The following SPATA6 variants were observed in gnomAD, a reference collection of about 807,000 sequenced individuals.
SPATA6 encodes spermatogenesis associated 6, also known as spermatogenesis-associated protein 6.
In SPATA6, 56 loss-of-function variants were observed where a neutral mutation model predicts 65.3. The ratio of observed to expected loss-of-function variants is 0.86; its 90% CI spans 0.69 to 1.07. SPATA6 has a LOEUF of 1.07. Among genes scored for constraint, SPATA6 ranks in the 50% least tolerant of loss-of-function variants. The probability of loss-of-function intolerance (pLI) is 0.00; values close to 1 mark genes in which losing one functional copy is unlikely to be tolerated. For synonymous variants in SPATA6, 199 were observed against 213.2 expected (o/e 0.93, Z 0.58); for missense variants, 590 against 594.8 (o/e 0.99, Z 0.08).
intron 9 of SPATA6, among the ~76,000 whole-genome samples, chr1:48,367,783 T>C (rs529272133): frequency 6.6e-6 from 1 of 152,312 alleles, no homozygotes; most frequent in Non-Finnish European, 1.5e-5. Context: ...ATTGGAGCAT[T>C]TAGTCCATTT....
chr1:48,417,432 A>G (rs978852847), intron 3 of SPATA6, among the ~76,000 whole-genome samples: 2 of 152,232 alleles, frequency 1.3e-5, no homozygotes, highest in Non-Finnish European at 2.9e-5. Context: ...AAATTAATAG[A>G]GAAATATATA....
chr1:48,275,737 T>C, the SPATA6 span, among the ~76,000 whole-genome samples: 1 of 152,182 alleles, frequency 6.6e-6, no homozygotes, highest in East Asian at 1.9e-4. Flanking sequence ...GATAAGCTTT[T>C]TGATGTGCTG....
intron 3 of SPATA6, among the ~76,000 whole-genome samples, chr1:48,413,759 C>T (rs1259198293): frequency 1.3e-5 from 2 of 152,112 alleles, no homozygotes; most frequent in African/African-American, 4.8e-5. Flanking sequence ...AGAATCTTAA[C>T]TTGATAGCCT....
At chr1:48,271,653 G>C in the SPATA6 span, among the ~76,000 whole-genome samples, 3 of 151,922 alleles carry the variant, frequency 2.0e-5, no homozygotes, top group Non-Finnish European at 4.4e-5. Context: ...AACTAGAATA[G>C]CAATCTGCAC....
chr1:48,460,739 C>T (rs1467437581), intron 1 of SPATA6, among the ~76,000 whole-genome samples: 3 of 59,028 alleles, frequency 5.1e-5, no homozygotes, highest in East Asian at 4.6e-4. Flanking sequence ...CAATATATAC[C>T]GGTAAGAATG....
intron 11 of SPATA6, chr1:48,325,387 C>G: frequency 7.3e-7 from 1 of 1,377,906 alleles, no homozygotes; most frequent in Admixed American, 1.7e-5. Flanking sequence ...CCTGATTCCT[C>G]CAGGCCCAAG....
At chr1:48,412,031 T>C (rs1487236343) in intron 4 of SPATA6, among the ~76,000 whole-genome samples, 4 of 152,126 alleles carry the variant, frequency 2.6e-5, no homozygotes, top group African/African-American at 9.7e-5. Context: ...CACACCTAGC[T>C]ATATATTTTT....
chr1:48,420,535 G>T (rs1653224595), intron 3 of SPATA6, among the ~76,000 whole-genome samples: 1 of 152,152 alleles, frequency 6.6e-6, no homozygotes, highest in Non-Finnish European at 1.5e-5. Context: ...AATTAAATTG[G>T]AGGACACTCA....
intron 3 of SPATA6, among the ~76,000 whole-genome samples, chr1:48,425,808 T>A (rs1294207606): frequency 6.6e-6 from 1 of 151,990 alleles, no homozygotes; most frequent in Admixed American, 6.6e-5. Context: ...ATATAAAAAT[T>A]AAATCCAGGT....
intron 12 of SPATA6, among the ~76,000 whole-genome samples, chr1:48,301,544 C>CA (rs1220870526): frequency 5.3e-5 from 8 of 150,526 alleles, no homozygotes; most frequent in East Asian, 3.9e-4. Context: ...CACACACACA[C>CA]ACAAAAAAAA....
chr1:48,285,085 C>T, the SPATA6 span, among the ~76,000 whole-genome samples: 1 of 152,324 alleles, frequency 6.6e-6, no homozygotes, highest in East Asian at 1.9e-4. Context: ...TATCTATAAG[C>T]TCCTGTTTGG....
At chr1:48,354,995 A>T (rs980752021) in intron 11 of SPATA6, among the ~76,000 whole-genome samples, 1 of 152,140 alleles carries the variant, frequency 6.6e-6, no homozygotes. Flanking sequence ...TCCCAAGGTC[A>T]TATAAACCCC....
the SPATA6 span, among the ~76,000 whole-genome samples, chr1:48,277,046 C>G: frequency 6.9e-6 from 1 of 145,260 alleles, no homozygotes; most frequent in African/African-American, 2.5e-5. Context: ...ATAGTTAACT[C>G]TTCTTGTTGC....
intron 8 of SPATA6, among the ~76,000 whole-genome samples, chr1:48,394,543 ACT>A (rs1650393736): frequency 6.6e-6 from 1 of 151,986 alleles, no homozygotes; most frequent in African/African-American, 2.4e-5. Flanking sequence ...GCAAGCAAAA[ACT>A]CTGCACCTTT....
At chr1:48,290,847 C>T (rs1023864218), downstream of SPATA6, among the ~76,000 whole-genome samples, 5 of 152,136 alleles carry the variant, frequency 3.3e-5, no homozygotes, top group Non-Finnish European at 5.9e-5. Context: ...ATTCATAAAG[C>T]AAGTCCTTAG....
At chr1:48,351,657 T>C (rs1227764957) in intron 11 of SPATA6, among the ~76,000 whole-genome samples, 1 of 152,140 alleles carries the variant, frequency 6.6e-6, no homozygotes, top group African/African-American at 2.4e-5. Flanking sequence ...TTCATTTTTA[T>C]ATACAGATGG....
chr1:48,386,323 A>G (rs959742096), intron 8 of SPATA6, among the ~76,000 whole-genome samples: 4 of 152,242 alleles, frequency 2.6e-5, no homozygotes, highest in African/African-American at 9.6e-5. Context: ...TAAAGGAATA[A>G]GCTTTCAAGA....
At chr1:48,321,271 T>C (rs1219736932) in intron 11 of SPATA6, among the ~76,000 whole-genome samples, 1 of 152,090 alleles carries the variant, frequency 6.6e-6, no homozygotes, top group African/African-American at 2.4e-5. Context: ...CAACAATTTC[T>C]TGCCTACAAG....
At chr1:48,277,590 G>A in the SPATA6 span, among the ~76,000 whole-genome samples, 1 of 152,202 alleles carries the variant, frequency 6.6e-6, no homozygotes, top group South Asian at 2.1e-4. Flanking sequence ...GCACAGCAGT[G>A]TGAGATCAAA....
Sources: gnomAD v4.1 joint callset for allele counts (sites outside exome capture counted in the v4.1 genomes callset) on GRCh38, gnomAD v4.1.1 for gene constraint, MANE v1.5 for transcripts, NCBI Gene and HGNC (gene_info 2026-07-23, HGNC 2026-07-21) for gene names.